Variants in SBNO2 observed in about 807,000 individuals in gnomAD.
The protein encoded by SBNO2 is strawberry notch homolog 2.
A neutral mutation model predicts 146.3 loss-of-function variants in SBNO2; 89 were observed. The ratio of observed to expected loss-of-function variants is 0.61; its 90% CI spans 0.51 to 0.73. The LOEUF (loss-of-function observed/expected upper bound fraction) is 0.73, where lower values mean the gene tolerates loss of function less well. Ranked by LOEUF, SBNO2 falls within the 30% of genes least tolerant of loss-of-function variation. The probability of loss-of-function intolerance (pLI) is 0.00; values close to 1 mark genes in which losing one functional copy is unlikely to be tolerated. For missense variants in SBNO2, 2,092 were observed against 2,003.7 expected (o/e 1.04, Z -0.84); for synonymous variants, 1,147 against 892.6 (o/e 1.29, Z -5.08).
chr19:1,115,988 G>A, intron 17 of SBNO2, 33 bp downstream of exon 17: 1 of 1,549,528 alleles, frequency 6.5e-7, no homozygotes, highest in South Asian at 1.2e-5. Context: ...CAGAGGGGCA[G>A]GGGTGGGTGG....
rs547940481 is a variant in SBNO2 at position 1,108,108 on chromosome 19, G to T, written c.*112C>A. 9.1e-6 allele frequency: 11 copies of T among 1,207,512 alleles called. No homozygotes were observed. The East Asian group carries it at 3.2e-4, about 35-fold the overall frequency. The allele number at this position is 1,207,512 out of a possible 1,614,324, so 74.8% of individuals were successfully genotyped here. A position where few individuals can be genotyped will look rare whatever the true frequency, so the allele number is the denominator to read the frequency against. Reference sequence around the variant, plus strand: ...CGGGCGCTGAAGGCACTGCGGCCAGGGCCTAGGGCTCCTCTGAGCAGTGGT... The same window carrying T: ...CGGGCGCTGAAGGCACTGCGGCCAGTGCCTAGGGCTCCTCTGAGCAGTGGT... On this transcript the variant is annotated 3_prime_UTR_variant, in exon 32 of 32. Coordinates refer to ENST00000361757, the MANE Select transcript of SBNO2 (RefSeq NM_014963.3).
Position 1,117,495 on chromosome 19 carries a change from GC to G in SBNO2, c.1531del (p.Ala511ProfsTer4). 1 of 1,577,076 alleles carries G rather than the reference GC, an allele frequency of 6.3e-7. No homozygotes were observed. Among genetic ancestry groups the G allele is most frequent in the Non-Finnish European group, 8.6e-7 (1 of 1,163,334 alleles). On this transcript the variant is annotated frameshift_variant, in exon 15 of 32. Transcript: ENST00000361757. LOFTEE classifies it high-confidence loss of function. ...CTGCTGGAACACGTTCAGGGCCTCG[GC>G]CCACTGCAATGACACGTCACAAGGC... is the stretch of plus-strand genomic sequence containing the variant. ...CVYNRAALLWAEALNVFQQAA... is the reference protein window; with the variant it reads ...CVYNRAALLWXEALNVFQQAA...
At chr19:1,170,328 C>G (rs1244066649) in intron 1 of SBNO2, among the ~76,000 whole-genome samples, 1 of 152,174 alleles carries the variant, frequency 6.6e-6, no homozygotes, top group South Asian at 2.1e-4. Context: ...AAGGTGACCA[C>G]GGGGCTGGCA....
intron 2 of SBNO2, among the ~76,000 whole-genome samples, chr19:1,151,853 G>A (rs1464497755): frequency 6.6e-6 from 1 of 152,160 alleles, no homozygotes; most frequent in African/African-American, 2.4e-5. Flanking sequence ...AGTAGAGATG[G>A]GATTTCATCA....
chr19:1,164,624 C>G (rs62131231), intron 1 of SBNO2, among the ~76,000 whole-genome samples: 74 of 4,068 alleles, frequency 0.018, no homozygotes, highest in South Asian at 0.054. Flanking sequence ...GGAGGAGGAA[C>G]AGGAGGAGGA....
At position 1,133,456 on chromosome 19, in the gene SBNO2, G is replaced by A. The variant is rs564123041; in HGVS notation, c.280-5691C>T. On this transcript the variant is annotated intron_variant, in intron 4 of 31. Coordinates refer to ENST00000361757, the MANE Select transcript of SBNO2 (RefSeq NM_014963.3). ...CAAACCCTGTGCACTCCGCCCCCTC[G>A]GGCTCACCCTGTTCTAGACCCTGAG... Among the ~76,000 whole-genome samples, 7 of 151,590 alleles carry A rather than the reference G, an allele frequency of 4.6e-5. No homozygotes were observed. In the South Asian group the frequency reaches 1.2e-3, roughly 27 times the overall value.
chr19:1,108,594 C>T lies in SBNO2; in HGVS notation c.3727G>A (p.Ala1243Thr). The T allele has an allele frequency of 3.4e-6, 2 of 584,424 alleles. No homozygotes were observed. The highest frequency in any genetic ancestry group is 2.8e-5 in the South Asian group (1 of 35,978). The allele number at this position is 584,424 out of a possible 1,614,324, so 36.2% of individuals were successfully genotyped here. A position where few individuals can be genotyped will look rare whatever the true frequency, so the allele number is the denominator to read the frequency against. ...CAAGGCAGCGCCAGCGGGCGCGGGG[C>T]GGGCGGGGCGGGGCAGCCCAGGGCG... ...APALGCPAPP[A>T]PRPLALPCGP... is the part of the protein sequence containing the mutation. The change falls in exon 32 of 32, where the codon GCC becomes ACC. Residue 1243 changes from alanine (A) to threonine (T), a missense_variant. Transcript: ENST00000361757.
Position 1,119,072 on chromosome 19 carries a change from C to G in SBNO2, c.1466G>C (p.Arg489Pro), listed in dbSNP as rs755834135. The change falls in exon 14 of 32, where the codon CGC (arginine) becomes CCC (proline). Residue 489 changes from arginine (R) to proline (P), a missense_variant. Transcript: ENST00000361757. ...RQLSFSGVTFRIEEIPLAPAF... is the reference protein window; with the variant it reads ...RQLSFSGVTFPIEEIPLAPAF... ...TGGGGCCAGCGGGATCTCCTCGATG[C>G]GGAAGGTGACGCCGGAGAAGCTGAG... is the stretch of plus-strand genomic sequence containing the variant. 1 of 1,605,560 alleles carries G rather than the reference C, an allele frequency of 6.2e-7. No homozygotes were observed. The highest frequency in any genetic ancestry group is 1.3e-5 in the African/African-American group (1 of 74,848).
At chr19:1,114,079 G>A (rs1178702044) in intron 18 of SBNO2, among the ~76,000 whole-genome samples, 152 bp downstream of exon 18, 2 of 152,182 alleles carry the variant, frequency 1.3e-5, no homozygotes, top group South Asian at 2.1e-4. Flanking sequence ...CTGGGCTCAG[G>A]TGGGCTGGAC....
At chr19:1,163,327 G>A (rs542653713) in intron 1 of SBNO2, among the ~76,000 whole-genome samples, 12 of 152,230 alleles carry the variant, frequency 7.9e-5, no homozygotes, top group Non-Finnish European at 1.6e-4. Flanking sequence ...TGACGCGGCC[G>A]CAGACCAAGG....
At chr19:1,170,494 C>T (rs1292139943) in intron 1 of SBNO2, among the ~76,000 whole-genome samples, 4 of 152,114 alleles carry the variant, frequency 2.6e-5, no homozygotes, top group African/African-American at 4.8e-5. Flanking sequence ...GGGGTGACCT[C>T]GCTTTTAGGC....
rs1209837612 is a variant in SBNO2 at position 1,111,786 on chromosome 19, A to G, written c.2701-172T>C. ...GCCACCTCCTCCCCGGGGGTCCTAGACTGGGTCCTCCCCCAGACCCCTGGA... is the reference window on the plus strand; with the variant it reads ...GCCACCTCCTCCCCGGGGGTCCTAGGCTGGGTCCTCCCCCAGACCCCTGGA... On this transcript the variant is annotated intron_variant, in intron 23 of 31. Coordinates refer to ENST00000361757, the MANE Select transcript of SBNO2 (RefSeq NM_014963.3). 2.1e-5 allele frequency among the ~76,000 whole-genome samples: 3 copies of G among 145,770 alleles called. No individual in the cohort carries two copies. The Admixed American group carries it at 2.1e-4, about 10-fold the overall frequency.
chr19:1,128,582 G>C (rs373236630), intron 4 of SBNO2, among the ~76,000 whole-genome samples: 1 of 151,646 alleles, frequency 6.6e-6, no homozygotes, highest in Non-Finnish European at 1.5e-5. Context: ...TAGTAGAGAC[G>C]GGGTTTCACC....
chr19:1,165,977 CAGACCG>C (rs2080415783), intron 1 of SBNO2, among the ~76,000 whole-genome samples: 3 of 135,192 alleles, frequency 2.2e-5, no homozygotes, highest in Non-Finnish European at 1.6e-5. Flanking sequence ...TCCCAGATCC[CAGACCG>C]CAAGATCCCA....
Position 1,111,072 on chromosome 19 carries a change from G to A in SBNO2, c.2831C>T (p.Ser944Phe). ...FFRDMKQGLLSVGIGGRESRN... is the reference protein window; with the variant it reads ...FFRDMKQGLLFVGIGGRESRN... ...GGACTCCCGGCCACCAATGCCCACAGACAGCAGGCCCTGCTTCATGTCTGC... is the reference window on the plus strand; with the variant it reads ...GGACTCCCGGCCACCAATGCCCACAAACAGCAGGCCCTGCTTCATGTCTGC... The change falls in exon 25 of 32, where the codon TCT (serine) becomes TTT (phenylalanine). Residue 944 changes from serine (S) to phenylalanine (F), a missense_variant. Physicochemically the swap from Ser to Phe is radical, Grantham distance 155 (BLOSUM62 -2). Transcript: ENST00000361757. 6.4e-7 allele frequency: 1 copy of A among 1,558,824 alleles called. No individual in the cohort carries two copies. Among genetic ancestry groups the A allele is most frequent in the Non-Finnish European group, 8.7e-7 (1 of 1,152,822 alleles).
In SBNO2 at chr19:1,147,431, A is replaced by T; in HGVS notation, c.168-11T>A. ...GAGCTCATGAACGGGCTGGAGGGAG[A>T]TGGGGGGGGGGGAGGTGAGATGGGG... On this transcript the variant is annotated splice_polypyrimidine_tract_variant and intron_variant, in intron 3 of 31. Coordinates refer to ENST00000361757, the MANE Select transcript of SBNO2 (RefSeq NM_014963.3). The T allele has an allele frequency of 6.9e-5, 41 of 590,982 alleles. No homozygotes were observed. Among genetic ancestry groups the T allele is most frequent in the Non-Finnish European group, 1.0e-4 (38 of 381,542 alleles). The allele number at this position is 590,982 out of a possible 1,614,324, so 36.6% of individuals were successfully genotyped here. A position where few individuals can be genotyped will look rare whatever the true frequency, so the allele number is the denominator to read the frequency against.
In SBNO2 at chr19:1,157,779, G is replaced by A. The variant is rs2080305712; in HGVS notation, c.-126-3377C>T. ...ACAGGACCAAGATCCGGGAGAATCCGAGGAACCGGGTAACTGTGTCCGCCT... is the reference window on the plus strand; with the variant it reads ...ACAGGACCAAGATCCGGGAGAATCCAAGGAACCGGGTAACTGTGTCCGCCT... On this transcript the variant is annotated intron_variant, in intron 1 of 31. Coordinates refer to ENST00000361757, the MANE Select transcript of SBNO2 (RefSeq NM_014963.3). This position sits in a 1 kb window ranked among gnomAD's most constrained non-coding sequence, Gnocchi z 6.8. 6.6e-6 allele frequency among the ~76,000 whole-genome samples: 1 copy of A among 152,088 alleles called. No homozygotes were observed. The highest frequency in any genetic ancestry group is 6.6e-5 in the Admixed American group (1 of 15,258).
chr19:1,134,138 C>CCACGGCTCACGGGTGGACT (rs2080062895), intron 4 of SBNO2, among the ~76,000 whole-genome samples: 2 of 135,358 alleles, frequency 1.5e-5, no homozygotes, highest in Non-Finnish European at 3.4e-5. Context: ...CCCATAGGAC[C>CCACGGCTCACGGGTGGACT]CACAGCTCAC....
intron 2 of SBNO2, among the ~76,000 whole-genome samples, chr19:1,153,241 T>C (rs1048171551): frequency 1.3e-5 from 2 of 151,402 alleles, no homozygotes; most frequent in African/African-American, 2.4e-5. Context: ...TTTAAAAATT[T>C]TTTTTTTTCT....
Sources: gnomAD v4.1 joint callset for allele counts (sites outside exome capture counted in the v4.1 genomes callset) on GRCh38, gnomAD v4.1.1 for gene constraint, Gnocchi (gnomAD v3.1) non-coding constraint, MANE v1.5 for transcripts, NCBI Gene and HGNC (gene_info 2026-07-23, HGNC 2026-07-21) for gene names.